The following TUSC3 variants were observed in gnomAD, a reference collection of about 807,000 sequenced individuals.
The protein encoded by TUSC3 is tumor suppressor candidate 3, also known as dolichyl-diphosphooligosaccharide--protein glycosyltransferase subunit TUSC3.
In TUSC3, 45 loss-of-function variants were observed where a neutral mutation model predicts 44.8. The ratio of observed to expected loss-of-function variants is 1.00; its 90% confidence interval spans 0.79 to 1.29. The LOEUF (loss-of-function observed/expected upper bound fraction) is 1.29, where lower values mean the gene tolerates loss of function less well. Ranked by LOEUF, TUSC3 falls within the 50% of genes most tolerant of loss-of-function variation. The pLI is 0.00. For synonymous variants in TUSC3, 212 were observed against 152.9 expected (o/e 1.39, Z -2.85); for missense variants, 519 against 437.9 (o/e 1.19, Z -1.65).
intron 9 of TUSC3, among the ~76,000 whole-genome samples, chr8:15,754,626 G>T (rs1332090190): frequency 6.6e-6 from 1 of 151,838 alleles, no homozygotes; most frequent in East Asian, 1.9e-4. Context: ...TGGCCTTTAG[G>T]CTCCAATGCC....
rs138574991 is a variant in TUSC3 at position 15,737,228 on chromosome 8, TTAAG to T, written c.863-6304_863-6301del. ...TTGAAAATTTTAGATTTAGAATTCT[TTAAG>T]TAAGTCTTCTATAATGTGCTAACAT... On this transcript the variant is annotated intron_variant, in intron 7 of 10. Coordinates refer to ENST00000503731, the MANE Select transcript of TUSC3 (RefSeq NM_006765.4). Among the ~76,000 whole-genome samples the T allele has an allele frequency of 2.9e-3, 443 of 152,286 alleles. 2 individuals are homozygous for T. Among genetic ancestry groups the T allele is most frequent in the African/African-American group, 9.5e-3 (397 of 41,582 alleles).
chr8:15,840,747 TA>T, the TUSC3 span, among the ~76,000 whole-genome samples: 3 of 152,212 alleles, frequency 2.0e-5, no homozygotes, highest in Non-Finnish European at 4.4e-5. Flanking sequence ...TTATAATTTT[TA>T]TCCTTTGAAA....
At chr8:15,481,476 T>A (rs1326947057) in intron 1 of TUSC3, among the ~76,000 whole-genome samples, 1 of 152,104 alleles carries the variant, frequency 6.6e-6, no homozygotes, top group Admixed American at 6.6e-5. Context: ...AAATGCCAGT[T>A]CCTCAATCTT....
At chr8:15,535,281 G>C (rs1224945513), upstream of TUSC3, among the ~76,000 whole-genome samples, 2 of 152,300 alleles carry the variant, frequency 1.3e-5, no homozygotes, top group East Asian at 3.9e-4. Context: ...CAAGGATAAA[G>C]AATTTGGGTT....
Position 15,764,358 on chromosome 8 carries a change from A to G in TUSC3, c.*202A>G, listed in dbSNP as rs1812269426. On this transcript the variant is annotated 3_prime_UTR_variant, in exon 11 of 11. Coordinates refer to ENST00000503731, the MANE Select transcript of TUSC3 (RefSeq NM_006765.4). ...CTTTTTTTAAACTGTGGGTTTTCCT[A>G]GTAAATTTAATTTACAGAAATCAAT... 1.2e-6 allele frequency: 1 copy of G among 848,038 alleles called. No homozygotes were observed. The highest frequency in any genetic ancestry group is 1.8e-6 in the Non-Finnish European group (1 of 546,168). The allele number at this position is 848,038 out of a possible 1,614,324, so 52.5% of individuals were successfully genotyped here.
chr8:15,659,448 AAT>A, intron 3 of TUSC3, 57 bp from the exon 4 acceptor site: 4 of 1,582,574 alleles, frequency 2.5e-6, no homozygotes, highest in Non-Finnish European at 3.4e-6. Flanking sequence ...AAAAGTGTAA[AAT>A]ATTGGATTAA....
At chr8:15,785,923 A>C in the TUSC3 span, among the ~76,000 whole-genome samples, 6 of 152,186 alleles carry the variant, frequency 3.9e-5, no homozygotes, top group African/African-American at 1.2e-4. Context: ...AAAAAAAGAA[A>C]AAAAGAATTT....
the TUSC3 span, among the ~76,000 whole-genome samples, chr8:15,834,654 C>T: frequency 3.3e-5 from 5 of 151,862 alleles, no homozygotes; most frequent in Admixed American, 3.3e-4. Context: ...CATATATTTC[C>T]TATCATTGAA....
At chr8:15,839,928 A>G in the TUSC3 span, among the ~76,000 whole-genome samples, 1 of 152,192 alleles carries the variant, frequency 6.6e-6, no homozygotes, top group African/African-American at 2.4e-5. Context: ...ACATGCACAC[A>G]TACGTTTACT....
intron 9 of TUSC3, among the ~76,000 whole-genome samples, chr8:15,751,474 G>A (rs534398495): frequency 2.0e-5 from 3 of 152,044 alleles, no homozygotes; most frequent in Admixed American, 1.3e-4. Context: ...ATATACTACC[G>A]GTTCTCACTC....
At chr8:15,445,586 T>C (rs1267841335) in intron 1 of TUSC3, among the ~76,000 whole-genome samples, 1 of 152,220 alleles carries the variant, frequency 6.6e-6, no homozygotes, top group East Asian at 1.9e-4. Flanking sequence ...TTAATCCATT[T>C]AACCCTGAGT....
the TUSC3 span, among the ~76,000 whole-genome samples, chr8:15,824,426 G>C: frequency 1.3e-5 from 2 of 151,962 alleles, no homozygotes; most frequent in Admixed American, 6.6e-5. Flanking sequence ...AATCTATAAA[G>C]ATGGTTTCCA....
At chr8:15,428,368 A>G (rs869191648) in intron 1 of TUSC3, among the ~76,000 whole-genome samples, 1 of 151,632 alleles carries the variant, frequency 6.6e-6, no homozygotes, top group African/African-American at 2.4e-5. Flanking sequence ...CCAGTCTATC[A>G]TTGTTGGACA....
At chr8:15,610,950 C>T (rs868373640) in intron 1 of TUSC3, among the ~76,000 whole-genome samples, 1 of 152,018 alleles carries the variant, frequency 6.6e-6, no homozygotes, top group African/African-American at 2.4e-5. Context: ...TTTAATATGT[C>T]TCTAGAAAAA....
chr8:15,682,244 T>C (rs1483104050), intron 6 of TUSC3, among the ~76,000 whole-genome samples: 2 of 152,212 alleles, frequency 1.3e-5, no homozygotes, highest in African/African-American at 4.8e-5. Flanking sequence ...TGTCTAATGC[T>C]GTGAGTGGGG....
At chr8:15,462,074 T>C (rs955022645) in intron 1 of TUSC3, among the ~76,000 whole-genome samples, 3 of 152,054 alleles carry the variant, frequency 2.0e-5, no homozygotes, top group African/African-American at 7.2e-5. Context: ...CATTCTTTAA[T>C]GGACAAAAAT....
At chr8:15,832,255 T>C in the TUSC3 span, among the ~76,000 whole-genome samples, 20 of 152,252 alleles carry the variant, frequency 1.3e-4, no homozygotes, top group East Asian at 9.7e-4. Context: ...AGGGAATTCA[T>C]TCCCACAAGA....
At chr8:15,578,952 C>G (rs1209005268) in intron 1 of TUSC3, among the ~76,000 whole-genome samples, 1 of 152,004 alleles carries the variant, frequency 6.6e-6, no homozygotes, top group Non-Finnish European at 1.5e-5. Flanking sequence ...GTCCTGGACT[C>G]TTTTTGGCTG....
At chr8:15,847,295 G>A in the TUSC3 span, among the ~76,000 whole-genome samples, 1 of 152,130 alleles carries the variant, frequency 6.6e-6, no homozygotes, top group East Asian at 1.9e-4. Flanking sequence ...AAATGATCTT[G>A]GCTGCACTTG....
Sources: allele counts gnomAD v4.1 joint callset (sites outside exome capture counted in the v4.1 genomes callset), GRCh38; gene constraint gnomAD v4.1.1; transcripts MANE v1.5; gene names NCBI Gene and HGNC (gene_info 2026-07-23, HGNC 2026-07-21).